Variants in CWC22 observed in about 807,000 individuals in gnomAD.
CWC22 encodes the protein pre-mRNA-splicing factor CWC22 homolog.
Under a neutral mutation model 117.2 loss-of-function variants are expected in CWC22, and 53 were observed. The ratio of observed to expected loss-of-function variants is 0.45; its 90% CI spans 0.36 to 0.57. CWC22 has a LOEUF of 0.57. Among genes scored for constraint, CWC22 ranks in the 20% least tolerant of loss-of-function variants. The probability of loss-of-function intolerance (pLI) is 0.00; values close to 1 mark genes in which losing one functional copy is unlikely to be tolerated. For synonymous variants in CWC22, 360 were observed against 355.6 expected, an observed-to-expected ratio of 1.01 and a Z score of -0.14; for missense variants, 980 against 1,068.8, an observed-to-expected ratio of 0.92 and a Z score of 1.16.
chr2:179,962,842 G>C (rs1352502775), intron 13 of CWC22, among the ~76,000 whole-genome samples: 7 of 152,022 alleles, frequency 4.6e-5, no homozygotes, highest in Admixed American at 4.6e-4. Flanking sequence ...AATGTTTAAA[G>C]AGATAGATAT....
rs56401468 is a variant in CWC22, at chr2:179,993,030, C to T, written c.27+285G>A. 0.088 allele frequency among the ~76,000 whole-genome samples: 13,323 copies of T among 152,188 alleles called. 700 individuals carry two copies. Among genetic ancestry groups the T allele is most frequent in the Non-Finnish European group, 0.12 (8,411 of 67,998 alleles). On this transcript the variant is annotated intron_variant, in intron 2 of 19. Coordinates refer to ENST00000410053, the MANE Select transcript of CWC22 (RefSeq NM_020943.3). ...ACACACACACACACGCGCACACACACGTACACACACTTCTGTATGTTCTCA... is the reference window on the plus strand; with the variant it reads ...ACACACACACACACGCGCACACACATGTACACACACTTCTGTATGTTCTCA...
At chr2:179,965,254 C>T (rs1686860841) in intron 12 of CWC22, among the ~76,000 whole-genome samples, 1 of 151,836 alleles carries the variant, frequency 6.6e-6, no homozygotes, top group South Asian at 2.1e-4. Flanking sequence ...TTTATTATGC[C>T]CTAAAAGGCA....
intron 4 of CWC22, among the ~76,000 whole-genome samples, chr2:179,984,363 A>T (rs4894142): frequency 0.17 from 25,350 of 152,004 alleles, 2,580 homozygotes; most frequent in Admixed American, 0.3. Context: ...CAATTATGGT[A>T]CTAGTAGTCA....
At chr2:179,997,733 T>C (rs1388744470) in intron 1 of CWC22, among the ~76,000 whole-genome samples, 2 of 152,218 alleles carry the variant, frequency 1.3e-5, no homozygotes, top group East Asian at 1.9e-4. Context: ...TTCTGTTATT[T>C]GCCCAGCATC....
intron 7 of CWC22, among the ~76,000 whole-genome samples, 181 bp downstream of exon 7, chr2:179,973,453 T>C (rs959089716): frequency 6.6e-5 from 10 of 152,210 alleles, no homozygotes; most frequent in Admixed American, 2.0e-4. Flanking sequence ...GCCATCATTT[T>C]TGTGGCTCAT....
intron 14 of CWC22, among the ~76,000 whole-genome samples, chr2:179,956,244 G>T (rs1268193861): frequency 6.6e-6 from 1 of 151,908 alleles, no homozygotes; most frequent in Non-Finnish European, 1.5e-5. Flanking sequence ...CCTTGGAGAA[G>T]CACAGAACAG....
intron 6 of CWC22, 67 bp downstream of exon 6, chr2:179,978,123 C>G (rs889957115): frequency 7.4e-7 from 1 of 1,352,154 alleles, no homozygotes; most frequent in Non-Finnish European, 9.6e-7. Context: ...GATTATTGTT[C>G]ATGTAGATAT....
chr2:179,999,743 C>A (rs1687799052), intron 1 of CWC22, among the ~76,000 whole-genome samples: 1 of 152,112 alleles, frequency 6.6e-6, no homozygotes, highest in East Asian at 1.9e-4. Flanking sequence ...TTAGTTGGCT[C>A]CTCTGGCTTC....
At chr2:179,992,374 C>G (rs1470937630) in intron 2 of CWC22, among the ~76,000 whole-genome samples, 3 of 151,448 alleles carry the variant, frequency 2.0e-5, no homozygotes, top group Admixed American at 2.0e-4. Context: ...CTGCTCCACT[C>G]TAGATTCTTT....
intron 19 of CWC22, among the ~76,000 whole-genome samples, chr2:179,949,503 G>A (rs1365405263): frequency 1.3e-5 from 2 of 152,164 alleles, no homozygotes; most frequent in Non-Finnish European, 2.9e-5. Context: ...CAGAATGGCT[G>A]AAATGAAAAA....
intron 1 of CWC22, among the ~76,000 whole-genome samples, chr2:180,004,406 TC>T (rs1239626980): frequency 2.0e-5 from 3 of 152,156 alleles, no homozygotes; most frequent in African/African-American, 7.2e-5. Flanking sequence ...TCTTTTTTTT[TC>T]TTGAGACAGA....
At chr2:179,965,788 C>G (rs1559288804) in intron 12 of CWC22, 90 bp downstream of exon 12, 2 of 1,139,428 alleles carry the variant, frequency 1.8e-6, no homozygotes, top group East Asian at 2.7e-5. Flanking sequence ...CTTGCTCTCC[C>G]CAAAGATTGA....
At chr2:179,955,503 G>C (rs1219981173) in intron 14 of CWC22, among the ~76,000 whole-genome samples, 2 of 151,854 alleles carry the variant, frequency 1.3e-5, no homozygotes, top group Non-Finnish European at 2.9e-5. Flanking sequence ...TCTTTACAGA[G>C]GCATAAGTAG....
intron 2 of CWC22, 32 bp from the exon 3 acceptor site, chr2:179,988,676 A>C: frequency 8.3e-7 from 1 of 1,204,498 alleles, no homozygotes. Context: ...AAACATTTCA[A>C]AAATTATTTA....
chr2:179,950,483 C>A, intron 19 of CWC22, 29 bp downstream of exon 19: 1 of 1,404,120 alleles, frequency 7.1e-7, no homozygotes, highest in Non-Finnish European at 9.9e-7. Context: ...TAGAAAAGAG[C>A]AAGCCAAATT....
chr2:179,975,321 C>G (rs1334594884), intron 6 of CWC22, among the ~76,000 whole-genome samples: 1 of 152,124 alleles, frequency 6.6e-6, no homozygotes, highest in East Asian at 1.9e-4. Flanking sequence ...ATATGACGAA[C>G]CCATAGCTAA....
intron 13 of CWC22, among the ~76,000 whole-genome samples, chr2:179,963,968 C>A (rs1686826000): frequency 1.3e-5 from 2 of 152,332 alleles, no homozygotes; most frequent in Non-Finnish European, 2.9e-5. Context: ...TCATTTATTT[C>A]TCTTCAAAAC....
chr2:179,982,781 C>T (rs555148463), intron 4 of CWC22, among the ~76,000 whole-genome samples: 1 of 152,198 alleles, frequency 6.6e-6, no homozygotes, highest in Admixed American at 6.5e-5. Flanking sequence ...CAAGAACTAA[C>T]GGGAAAGAGC....
intron 2 of CWC22, among the ~76,000 whole-genome samples, chr2:179,989,838 T>C (rs1308509304): frequency 6.6e-6 from 1 of 152,108 alleles, no homozygotes; most frequent in Non-Finnish European, 1.5e-5. Context: ...TAAAGAAAAA[T>C]AGCATTTAAC....
Sources: gnomAD v4.1 joint callset for allele counts (sites outside exome capture counted in the v4.1 genomes callset) on GRCh38, gnomAD v4.1.1 for gene constraint, MANE v1.5 for transcripts, NCBI Gene and HGNC (gene_info 2026-07-23, HGNC 2026-07-21) for gene names.